KCNK3: variants seen among roughly 807,000 people sequenced by gnomAD.
KCNK3 encodes the protein potassium channel subfamily K member 3.
A neutral mutation model predicts 27.3 loss-of-function variants in KCNK3; 9 were observed. The ratio of observed to expected loss-of-function variants is 0.33; its 90% CI spans 0.20 to 0.57. KCNK3 has a LOEUF of 0.57. KCNK3 is among the 20% of genes least tolerant of loss of function. The pLI, the probability that KCNK3 is intolerant of heterozygous loss-of-function variation, is 0.87. For synonymous variants in KCNK3, 278 were observed against 273.8 expected (o/e 1.02, Z -0.15); for missense variants, 391 against 577.7 (o/e 0.68, Z 3.31).
chr2:26,716,726 C>G (rs1663237602), intron 1 of KCNK3, among the ~76,000 whole-genome samples: 1 of 152,198 alleles, frequency 6.6e-6, no homozygotes, highest in South Asian at 2.1e-4. Flanking sequence ...GGAATAGGAG[C>G]AACTAGCGAT....
intron 1 of KCNK3, among the ~76,000 whole-genome samples, chr2:26,697,275 T>C (rs1572600800): frequency 6.6e-6 from 1 of 152,110 alleles, no homozygotes; most frequent in South Asian, 2.1e-4. Flanking sequence ...GAGGCAGAAG[T>C]AGACAGATCG....
intron 1 of KCNK3, among the ~76,000 whole-genome samples, chr2:26,719,688 C>A (rs1663291987): frequency 6.6e-6 from 1 of 152,324 alleles, no homozygotes. Context: ...GTTTTGAGGT[C>A]AGGGACCTCA....
chr2:26,728,363 T>C lies in KCNK3; in HGVS notation c.980T>C (p.Met327Thr). 1.2e-6 allele frequency: 2 copies of C among 1,608,000 alleles called. No individual in the cohort carries two copies. Among genetic ancestry groups the C allele is most frequent in the Non-Finnish European group, 1.7e-6 (2 of 1,177,646 alleles). The change falls in exon 2 of 2, where the codon ATG (methionine) becomes ACG (threonine). Residue 327 changes from methionine to threonine, a missense_variant. Met to Thr is a moderately conservative substitution (Grantham distance 81). This residue lies in a region of KCNK3 where 192 missense variants were observed against 196.0 expected (regional missense o/e 0.98). Transcript: ENST00000302909. ...SREKLQYSIP[M>T]IIPRDLSTSD... ...GAGAAGCTGCAGTACTCCATCCCCATGATCATCCCGCGGGACCTCTCCACG... is the reference window on the plus strand; with the variant it reads ...GAGAAGCTGCAGTACTCCATCCCCACGATCATCCCGCGGGACCTCTCCACG...
At chr2:26,715,741 G>A (rs556289659) in intron 1 of KCNK3, among the ~76,000 whole-genome samples, 14 of 152,152 alleles carry the variant, frequency 9.2e-5, no homozygotes, top group Non-Finnish European at 1.6e-4. Context: ...CTGCCCCTCC[G>A]CTTCAGCTGG....
intron 1 of KCNK3, among the ~76,000 whole-genome samples, chr2:26,695,184 C>T (rs1248206719): frequency 2.0e-5 from 3 of 152,172 alleles, no homozygotes; most frequent in Non-Finnish European, 4.4e-5. Context: ...TTAAGTATGC[C>T]TGTCTGGCAT....
At chr2:26,702,117 C>T (rs1670315262) in intron 1 of KCNK3, among the ~76,000 whole-genome samples, 1 of 152,170 alleles carries the variant, frequency 6.6e-6, no homozygotes, top group Non-Finnish European at 1.5e-5. Flanking sequence ...TTCTACCCTC[C>T]ACCCTCGAGT....
chr2:26,716,475 C>A (rs1663233280), intron 1 of KCNK3, among the ~76,000 whole-genome samples: 1 of 152,102 alleles, frequency 6.6e-6, no homozygotes, highest in Non-Finnish European at 1.5e-5. Context: ...CAAAGGGCCC[C>A]TGGAGCACTG....
At chr2:26,726,213 C>T (rs1000773070) in intron 1 of KCNK3, among the ~76,000 whole-genome samples, 12 of 151,924 alleles carry the variant, frequency 7.9e-5, no homozygotes, top group African/African-American at 2.7e-4. Context: ...TTCTGGGCCT[C>T]CATAGGTATG....
chr2:26,693,111 G>C lies in KCNK3; in HGVS notation c.236G>C (p.Arg79Pro), dbSNP rs568555516. The change falls in exon 1 of 2, where the codon CGC (arginine) becomes CCC (proline). Residue 79 changes from arginine (R) to proline (P), a missense_variant. Around this residue, in one of 4 missense-constraint regions of KCNK3, gnomAD observed 158 missense variants for 267.7 expected, o/e 0.59. Transcript: ENST00000302909. This position sits in a 1 kb window ranked among gnomAD's most constrained non-coding sequence, Gnocchi z 5.5. Reference protein sequence around the residue: ...LKPHKAGVQWRFAGSFYFAIT... With the variant: ...LKPHKAGVQWPFAGSFYFAIT... ...CCGCACAAGGCCGGCGTGCAGTGGC[G>C]CTTCGCCGGCTCCTTCTACTTCGCC... 6.3e-7 allele frequency: 1 copy of C among 1,587,630 alleles called. No individual in the cohort carries two copies. Among genetic ancestry groups the C allele is most frequent in the South Asian group, 1.1e-5 (1 of 88,670 alleles).
At chr2:26,713,253 G>C (rs1225822869) in intron 1 of KCNK3, among the ~76,000 whole-genome samples, 1 of 152,234 alleles carries the variant, frequency 6.6e-6, no homozygotes, top group Non-Finnish European at 1.5e-5. Flanking sequence ...GGAAGTCAGG[G>C]CAGCAGCGAC....
chr2:26,725,259 C>A (rs1245469860), intron 1 of KCNK3, among the ~76,000 whole-genome samples: 1 of 152,196 alleles, frequency 6.6e-6, no homozygotes, highest in Non-Finnish European at 1.5e-5. Flanking sequence ...TTCCATCTCG[C>A]AAGCTACAGC....
At chr2:26,704,446 A>G (rs779984256) in intron 1 of KCNK3, among the ~76,000 whole-genome samples, 71 of 152,304 alleles carry the variant, frequency 4.7e-4, no homozygotes, top group Non-Finnish European at 9.1e-4. Context: ...GAGGCTTGGC[A>G]TGGACTCAGT....
chr2:26,726,100 C>CAG (rs1269817992), intron 1 of KCNK3, among the ~76,000 whole-genome samples: 21 of 109,766 alleles, frequency 1.9e-4, no homozygotes, highest in East Asian at 1.9e-3. Context: ...CACACACACA[C>CAG]ACACACAGAG....
At chr2:26,700,441 C>T (rs1374514224) in intron 1 of KCNK3, among the ~76,000 whole-genome samples, 1 of 152,262 alleles carries the variant, frequency 6.6e-6, no homozygotes, top group Non-Finnish European at 1.5e-5. Context: ...GTCACACCTT[C>T]ACTTTCCCAT....
intron 1 of KCNK3, among the ~76,000 whole-genome samples, chr2:26,707,712 C>G (rs1347043358): frequency 6.6e-6 from 1 of 152,232 alleles, no homozygotes; most frequent in Non-Finnish European, 1.5e-5. Flanking sequence ...CTCAGGCAGA[C>G]AGCAGATAGC....
chr2:26,704,654 C>G (rs1670349969), intron 1 of KCNK3, among the ~76,000 whole-genome samples: 1 of 152,230 alleles, frequency 6.6e-6, no homozygotes, highest in Admixed American at 6.5e-5. Flanking sequence ...GGGGCAGGCC[C>G]GCTCCTCCAG....
Position 26,729,526 on chromosome 2 carries a change from A to C in KCNK3, c.*958A>C, listed in dbSNP as rs1449045525. On this transcript the variant is annotated 3_prime_UTR_variant, in exon 2 of 2. Coordinates refer to ENST00000302909, the MANE Select transcript of KCNK3 (RefSeq NM_002246.3). ...TACTGAGGCCTGGACAGGTGAAGTGACCAGAGAGCAAAAGGCAAAGGGGTG... is the reference window on the plus strand; with the variant it reads ...TACTGAGGCCTGGACAGGTGAAGTGCCCAGAGAGCAAAAGGCAAAGGGGTG... The C allele has an allele frequency of 6.6e-6, 1 of 152,124 alleles. No homozygotes were observed. Among genetic ancestry groups the C allele is most frequent in the Non-Finnish European group, 1.5e-5 (1 of 68,144 alleles). 9.4% of individuals were successfully genotyped at this position (152,124 alleles called of 1,614,324 possible).
At chr2:26,700,899 C>T (rs946139134) in intron 1 of KCNK3, among the ~76,000 whole-genome samples, 27 of 152,226 alleles carry the variant, frequency 1.8e-4, no homozygotes, top group African/African-American at 6.5e-4. Context: ...ATAGAGGAAG[C>T]AGTCCACAGA....
At chr2:26,704,121 T>C (rs1200098890) in intron 1 of KCNK3, among the ~76,000 whole-genome samples, 3 of 152,136 alleles carry the variant, frequency 2.0e-5, no homozygotes, top group African/African-American at 7.2e-5. Flanking sequence ...ATTGCCTGAC[T>C]TCCCGCCCAC....
Sources: gnomAD v4.1 joint callset for allele counts (sites outside exome capture counted in the v4.1 genomes callset) on GRCh38, gnomAD v4.1.1 for gene constraint, gnomAD v4.1.1 regional missense constraint, Gnocchi (gnomAD v3.1) non-coding constraint, MANE v1.5 for transcripts, NCBI Gene and HGNC (gene_info 2026-07-23, HGNC 2026-07-21) for gene names.